Variants in LRRC7 observed in about 807,000 individuals in gnomAD.
LRRC7 encodes the protein leucine-rich repeat-containing protein 7.
LRRC7 carries 23 observed loss-of-function variants against 175.7 expected under a neutral mutation model. The observed-to-expected ratio is 0.13, with a 90% CI of 0.09 to 0.19. LRRC7 has a LOEUF of 0.19. Among genes scored for constraint, LRRC7 ranks in the 10% least tolerant of loss-of-function variants. The pLI is 1.00. For missense variants in LRRC7, 1,354 were observed against 1,904.7 expected, an observed-to-expected ratio of 0.71 and a Z score of 5.38; for synonymous variants, 685 against 680.9, an observed-to-expected ratio of 1.01 and a Z score of -0.09.
At chr1:69,837,266 T>C (rs1000658471) in intron 6 of LRRC7, among the ~76,000 whole-genome samples, 1 of 151,966 alleles carries the variant, frequency 6.6e-6, no homozygotes, top group African/African-American at 2.4e-5. Context: ...TGTTAAAATA[T>C]GCGCCTTAGA....
At position 70,138,916 on chromosome 1, in the gene LRRC7, C is replaced by G. The variant is rs1382104149; in HGVS notation, c.*17029C>G. 3 of 152,326 alleles carry G rather than the reference C, an allele frequency of 2.0e-5. No individual in the cohort carries two copies. In the East Asian group the frequency reaches 5.8e-4, roughly 29 times the overall value. 9.4% of individuals were successfully genotyped at this position (152,326 alleles called of 1,614,324 possible). ...TATTAGAAATGAAAAGCAGCAGTCT[C>G]TATCATATGTTAAATTCAAAGGCAT... On this transcript the variant is annotated 3_prime_UTR_variant, in exon 27 of 27. Transcript: ENST00000651989.
At chr1:69,571,352 T>C (rs2100875572) in intron 1 of LRRC7, among the ~76,000 whole-genome samples, 1 of 152,338 alleles carries the variant, frequency 6.6e-6, no homozygotes, top group Non-Finnish European at 1.5e-5. Context: ...TATTCCACTT[T>C]CTTTTTTAAG....
intron 7 of LRRC7, among the ~76,000 whole-genome samples, chr1:69,889,975 C>A (rs552135369): frequency 6.6e-6 from 1 of 152,208 alleles, no homozygotes; most frequent in Non-Finnish European, 1.5e-5. Flanking sequence ...AATTTTAGAT[C>A]TCTTTCTACC....
At position 69,913,092 on chromosome 1, in the gene LRRC7, C is replaced by T. The variant is rs147209805; in HGVS notation, c.648-18415C>T. On this transcript the variant is annotated intron_variant, in intron 7 of 26. Transcript: ENST00000651989. ...GGAAAAAATATTTCCTAAGGAAATCCTCAAAATATGTGACAGCTTAATGCA... is the reference window on the plus strand; with the variant it reads ...GGAAAAAATATTTCCTAAGGAAATCTTCAAAATATGTGACAGCTTAATGCA... Among the ~76,000 whole-genome samples the T allele has an allele frequency of 4.8e-3, 730 of 152,116 alleles. 10 individuals carry two copies. Among genetic ancestry groups the T allele is most frequent in the African/African-American group, 0.016 (675 of 41,496 alleles).
At chr1:69,868,559 T>C (rs992974265) in intron 7 of LRRC7, among the ~76,000 whole-genome samples, 2 of 152,108 alleles carry the variant, frequency 1.3e-5, no homozygotes, top group Non-Finnish European at 2.9e-5. Context: ...TATAGAATGA[T>C]GGCAGAGAGT....
At chr1:69,652,661 G>T (rs12041861) in intron 1 of LRRC7, among the ~76,000 whole-genome samples, 9,328 of 151,730 alleles carry the variant, frequency 0.061, 313 homozygotes, top group South Asian at 0.1. Flanking sequence ...TATCTCCCAT[G>T]GAACCTCAAA....
chr1:69,578,641 AG>A (rs1348580311), intron 1 of LRRC7, among the ~76,000 whole-genome samples: 1 of 151,822 alleles, frequency 6.6e-6, no homozygotes, highest in Non-Finnish European at 1.5e-5. Flanking sequence ...TGTCCTTTGT[AG>A]GGACATGGAT....
At chr1:69,946,704 T>C (rs897333978) in intron 8 of LRRC7, among the ~76,000 whole-genome samples, 1 of 151,928 alleles carries the variant, frequency 6.6e-6, no homozygotes, top group African/African-American at 2.4e-5. Flanking sequence ...GATATAAATA[T>C]TACCAGTCTT....
At chr1:69,611,767 T>C (rs1749501) in intron 1 of LRRC7, among the ~76,000 whole-genome samples, 19,512 of 151,848 alleles carry the variant, frequency 0.13, 1,596 homozygotes, top group South Asian at 0.19. Flanking sequence ...GAATCTCCAA[T>C]AAAAAAAGCA....
chr1:70,085,687 T>G (rs1663551995), intron 24 of LRRC7, among the ~76,000 whole-genome samples: 1 of 152,162 alleles, frequency 6.6e-6, no homozygotes, highest in Non-Finnish European at 1.5e-5. Flanking sequence ...GAGGCAAGAA[T>G]AAGCTTAAAG....
chr1:69,924,118 T>A (rs1361888890), intron 7 of LRRC7, among the ~76,000 whole-genome samples: 1 of 152,174 alleles, frequency 6.6e-6, no homozygotes, highest in East Asian at 1.9e-4. Flanking sequence ...GTTGTAGATA[T>A]GCGGCGTTAT....
intron 17 of LRRC7, among the ~76,000 whole-genome samples, chr1:70,023,679 G>T (rs766455186): frequency 6.6e-6 from 1 of 151,740 alleles, no homozygotes; most frequent in Non-Finnish European, 1.5e-5. Flanking sequence ...CCAATAGTTG[G>T]GCAGAATGTT....
At position 70,116,546 on chromosome 1, in the gene LRRC7, CAAAA is replaced by C. The variant is rs11336931; in HGVS notation, c.4621-5218_4621-5215del. Among the ~76,000 whole-genome samples the C allele has an allele frequency of 5.7e-5, 6 of 104,884 alleles. 1 individual carries two copies. The highest frequency in any genetic ancestry group is 1.4e-4 in the African/African-American group (4 of 28,152). The allele number at this position is 104,884 out of a possible 152,430, so 68.8% of individuals were successfully genotyped here. A position where few individuals can be genotyped will look rare whatever the true frequency, so the allele number is the denominator to read the frequency against. ...TGGGCGACAGAGCAAGACTCCATGT[CAAAA>C]AAAAAAAAAAAAAAACACAGAAATT... On this transcript the variant is annotated intron_variant, in intron 26 of 26. Coordinates refer to ENST00000651989, the MANE Select transcript of LRRC7 (RefSeq NM_001370785.2).
At chr1:69,731,697 G>C (rs1056819827) in intron 2 of LRRC7, among the ~76,000 whole-genome samples, 1 of 152,142 alleles carries the variant, frequency 6.6e-6, no homozygotes, top group Non-Finnish European at 1.5e-5. Context: ...CATTATCTGG[G>C]ACAAAATGTT....
intron 4 of LRRC7, among the ~76,000 whole-genome samples, chr1:69,825,096 A>G (rs1473460711): frequency 1.3e-5 from 2 of 152,172 alleles, no homozygotes; most frequent in Non-Finnish European, 2.9e-5. Flanking sequence ...GCAGATGAGC[A>G]ATTCTCCAAG....
rs112429155 is a variant in LRRC7, at chr1:69,655,374, A to G, written c.3-23007A>G. On this transcript the variant is annotated intron_variant, in intron 1 of 26. Coordinates refer to ENST00000651989, the MANE Select transcript of LRRC7 (RefSeq NM_001370785.2). Reference sequence around the variant, plus strand: ...TACAGCTTCTTGTAGTTTTCTGCCTAGCAATTTGGCTCTTGTCTTCCTGTT... The same window carrying G: ...TACAGCTTCTTGTAGTTTTCTGCCTGGCAATTTGGCTCTTGTCTTCCTGTT... 7.3e-3 allele frequency among the ~76,000 whole-genome samples: 1,098 copies of G among 150,846 alleles called. 14 individuals are homozygous for G. Among genetic ancestry groups the G allele is most frequent in the African/African-American group, 0.025 (1,014 of 41,042 alleles).
intron 7 of LRRC7, among the ~76,000 whole-genome samples, chr1:69,843,048 A>C (rs1267313684): frequency 1.3e-5 from 2 of 151,992 alleles, no homozygotes; most frequent in Non-Finnish European, 2.9e-5. Flanking sequence ...AAAATACAAA[A>C]AGTAGCTAGG....
chr1:70,065,472 A>G (rs994756064), intron 23 of LRRC7, among the ~76,000 whole-genome samples: 1 of 151,992 alleles, frequency 6.6e-6, no homozygotes, highest in African/African-American at 2.4e-5. Flanking sequence ...TAGCTATCAT[A>G]ATATTTATTA....
intron 1 of LRRC7, among the ~76,000 whole-genome samples, chr1:69,631,350 A>C (rs1773349): frequency 0.45 from 67,878 of 151,686 alleles, 16,141 homozygotes; most frequent in East Asian, 0.6. Context: ...TCTGACTACT[A>C]CTCAGTCTTT....
Sources: gnomAD v4.1 joint callset for allele counts (sites outside exome capture counted in the v4.1 genomes callset) on GRCh38, gnomAD v4.1.1 for gene constraint, MANE v1.5 for transcripts, NCBI Gene and HGNC (gene_info 2026-07-23, HGNC 2026-07-21) for gene names.